Variants in PAX8 observed in about 807,000 individuals in gnomAD.
The protein encoded by PAX8 is paired box 8, also known as paired box protein Pax-8.
Under a neutral mutation model 52.4 loss-of-function variants are expected in PAX8, and 15 were observed. The observed-to-expected ratio is 0.29, with a 90% CI of 0.19 to 0.44. PAX8 has a LOEUF of 0.44. Among genes scored for constraint, PAX8 ranks in the 20% least tolerant of loss-of-function variants. The probability of loss-of-function intolerance (pLI) is 1.00; values close to 1 mark genes in which losing one functional copy is unlikely to be tolerated. For synonymous variants in PAX8, 284 were observed against 249.7 expected (o/e 1.14, Z -1.29); for missense variants, 554 against 602.5 (o/e 0.92, Z 0.84).
intron 2 of PAX8, chr2:113,275,649 ACT>A (rs1422643929): frequency 1.3e-5 from 2 of 151,338 alleles, no homozygotes; most frequent in East Asian, 3.9e-4. Flanking sequence ...CTTTTACAAA[ACT>A]CTCTTCCTCA....
At chr2:113,269,652 A>G (rs1449880466) in intron 2 of PAX8, 1 of 152,246 alleles carries the variant, frequency 6.6e-6, no homozygotes, top group Non-Finnish European at 1.5e-5. Context: ...CCAAAGCTGG[A>G]TTATTATTAC....
At position 113,218,500 on chromosome 2, in the gene PAX8, G is replaced by A. The variant is rs911069726; in HGVS notation, c.*33C>T. 4 of 1,378,442 alleles carry A rather than the reference G, an allele frequency of 2.9e-6. No individual in the cohort carries two copies. The highest frequency in any genetic ancestry group is 4.0e-6 in the Non-Finnish European group (4 of 1,006,072). 85.4% of individuals were successfully genotyped at this position (1,378,442 alleles called of 1,614,324 possible). ...GGCCTGTCCCAGGCTGAGTCCTCCT[G>A]TTGCTCAGTCGCTCCCACTGTCCCC... On this transcript the variant is annotated 3_prime_UTR_variant, in exon 12 of 12. Coordinates refer to ENST00000429538, the MANE Select transcript of PAX8 (RefSeq NM_003466.4).
intron 9 of PAX8, among the ~76,000 whole-genome samples, chr2:113,234,312 G>A (rs1290036392): frequency 7.2e-5 from 11 of 152,186 alleles, no homozygotes; most frequent in South Asian, 4.1e-4. Context: ...CTGGCTGGAT[G>A]AGCGAAGGTC....
chr2:113,216,546 A>G lies in PAX8; in HGVS notation c.*1987T>C. On this transcript the variant is annotated 3_prime_UTR_variant, in exon 12 of 12. Transcript: ENST00000429538. Reference sequence around the variant, plus strand: ...GAGAAGGTCCATGTGGACACCAGACAGCCCCCTGGAGTGCAGAGCCCGAGC... The same window carrying G: ...GAGAAGGTCCATGTGGACACCAGACGGCCCCCTGGAGTGCAGAGCCCGAGC... The G allele has an allele frequency of 4.3e-6, 1 of 229,980 alleles. No homozygotes were observed. The allele number at this position is 229,980 out of a possible 1,614,324, so 14.2% of individuals were successfully genotyped here.
At chr2:113,224,338 G>A (rs1243026571) in intron 10 of PAX8, among the ~76,000 whole-genome samples, 1 of 152,106 alleles carries the variant, frequency 6.6e-6, no homozygotes, top group Non-Finnish European at 1.5e-5. Context: ...CCTGAGGCCA[G>A]GAGTTCGAGA....
intron 2 of PAX8, among the ~76,000 whole-genome samples, chr2:113,277,242 G>A (rs1253863228): frequency 6.6e-6 from 1 of 152,222 alleles, no homozygotes; most frequent in Non-Finnish European, 1.5e-5. Flanking sequence ...GAGAGAACCC[G>A]AGTGAGAAAT....
intron 7 of PAX8, chr2:113,237,059 C>A (rs1324827682): frequency 3.3e-6 from 1 of 304,204 alleles, no homozygotes; most frequent in East Asian, 6.3e-5. Context: ...GTGCCAAGGA[C>A]TGGAGCAGTC....
intron 6 of PAX8, 90 bp from the exon 7 acceptor site, chr2:113,241,816 A>G: frequency 4.6e-6 from 7 of 1,533,486 alleles, no homozygotes; most frequent in Non-Finnish European, 4.5e-6. Context: ...AAGCTGACTC[A>G]CTGTGGAGGG....
rs866375070 is a variant in PAX8, at chr2:113,278,359, C to T, written c.25+11G>A. On this transcript the variant is annotated intron_variant, in intron 2 of 11. Coordinates refer to ENST00000429538, the MANE Select transcript of PAX8 (RefSeq NM_003466.4). ...GGGGGCTCGGGGATCCTGACCACAC[C>T]GCGTTCTTACCAGATCTGATGGAGT... The T allele has an allele frequency of 1.3e-6, 2 of 1,593,586 alleles. No homozygotes were observed. Among genetic ancestry groups the T allele is most frequent in the Non-Finnish European group, 1.7e-6 (2 of 1,164,014 alleles).
At chr2:113,239,862 C>G (rs1690670944) in intron 7 of PAX8, 1 of 152,258 alleles carries the variant, frequency 6.6e-6, no homozygotes, top group Middle Eastern at 3.4e-3. Flanking sequence ...CCAAGCCCTC[C>G]TTGTCTTGCT....
chr2:113,217,771 A>G lies in PAX8; in HGVS notation c.*762T>C, dbSNP rs1377665349. 1 of 233,072 alleles carries G rather than the reference A, an allele frequency of 4.3e-6. No homozygotes were observed. Among genetic ancestry groups the G allele is most frequent in the Non-Finnish European group, 8.5e-6 (1 of 118,078 alleles). 14.4% of individuals were successfully genotyped at this position (233,072 alleles called of 1,614,324 possible). A position where few individuals can be genotyped will look rare whatever the true frequency, so the allele number is the denominator to read the frequency against. On this transcript the variant is annotated 3_prime_UTR_variant, in exon 12 of 12. Transcript: ENST00000429538. The stretch of plus-strand genomic sequence containing the variant: ...CCTCCCAGGGGCCCAGGCCCTGTGG[A>G]ATGTCTGTTTTAAGCTCCCTGGGGC...
rs187408485 is a variant in PAX8, at chr2:113,259,841, C to T, written c.26-12922G>A. ...CTAGACACTTGCAGACTCCTGGCAT[C>T]GCACACCAGGGCTGTGGAAGGGCCC... On this transcript the variant is annotated intron_variant, in intron 2 of 11. Transcript: ENST00000429538. Among the ~76,000 whole-genome samples the T allele has an allele frequency of 3.9e-3, 598 of 152,320 alleles. 2 individuals carry two copies. The highest frequency in any genetic ancestry group is 0.013 in the African/African-American group (543 of 41,582).
At chr2:113,219,854 G>A (rs1326209663) in intron 11 of PAX8, among the ~76,000 whole-genome samples, 1 of 152,176 alleles carries the variant, frequency 6.6e-6, no homozygotes, top group Non-Finnish European at 1.5e-5. Context: ...AAAAGACATG[G>A]GCTTGAGAAG....
intron 8 of PAX8, 114 bp downstream of exon 8, chr2:113,236,487 C>A: frequency 7.8e-7 from 1 of 1,288,398 alleles, no homozygotes; most frequent in Non-Finnish European, 1.0e-6. Flanking sequence ...GCGGCCCGGC[C>A]GGCACAGCCC....
intron 8 of PAX8, 35 bp from the exon 9 acceptor site, chr2:113,235,617 G>A (rs771730968): frequency 6.4e-7 from 1 of 1,552,622 alleles, no homozygotes; most frequent in Non-Finnish European, 8.8e-7. Context: ...GGAGAGAGGG[G>A]TGTGAGATGG....
intron 2 of PAX8, chr2:113,274,958 A>G (rs4849189): frequency 1 from 151,792 of 152,356 alleles, 75,618 homozygotes; most frequent in Non-Finnish European, 1. Flanking sequence ...ACGTTTTGAC[A>G]TATTATATTA....
At chr2:113,248,533 A>T (rs1182496500) in intron 2 of PAX8, among the ~76,000 whole-genome samples, 1 of 152,208 alleles carries the variant, frequency 6.6e-6, no homozygotes, top group Non-Finnish European at 1.5e-5. Flanking sequence ...TTTATGGCCG[A>T]GGGTGGGAAG....
Position 113,241,625 on chromosome 2 carries a change from G to T in PAX8, c.703C>A (p.Pro235Thr). 6.2e-7 allele frequency: 1 copy of T among 1,613,818 alleles called. No individual in the cohort carries two copies. Among genetic ancestry groups the T allele is most frequent in the Non-Finnish European group, 8.5e-7 (1 of 1,180,000 alleles). The change falls in exon 7 of 12, where the codon CCG (proline) becomes ACG (threonine). Residue 235 changes from proline (P) to threonine (T), a missense_variant. Physicochemically the swap from Pro to Thr is conservative, Grantham distance 38. Coordinates refer to ENST00000429538, the MANE Select transcript of PAX8 (RefSeq NM_003466.4). ...TDAFSQHHLE[P>T]LECPFERQHY... ...TGCCGCTCAAATGGGCACTCGAGCG[G>T]CTCGAGGTGGTGCTGGCTGAAGGCA... is the stretch of plus-strand genomic sequence containing the variant.
At chr2:113,261,344 G>A (rs1303921343) in intron 2 of PAX8, among the ~76,000 whole-genome samples, 6 of 152,246 alleles carry the variant, frequency 3.9e-5, no homozygotes, top group South Asian at 2.1e-4. Context: ...GCCCTCAGCC[G>A]GGGAACAGAG....
Sources: allele counts gnomAD v4.1 joint callset (sites outside exome capture counted in the v4.1 genomes callset), GRCh38; gene constraint gnomAD v4.1.1; transcripts MANE v1.5; gene names NCBI Gene and HGNC (gene_info 2026-07-23, HGNC 2026-07-21).